Variants in RASGRF2 observed in about 807,000 individuals in gnomAD.
The protein encoded by RASGRF2 is Ras protein specific guanine nucleotide releasing factor 2, also known as ras-specific guanine nucleotide-releasing factor 2.
A neutral mutation model predicts 151.0 loss-of-function variants in RASGRF2; 76 were observed. The ratio of observed to expected loss-of-function variants is 0.50; its 90% CI spans 0.42 to 0.61. The LOEUF is 0.61. Ranked by LOEUF, RASGRF2 falls within the 20% of genes least tolerant of loss-of-function variation. The probability of loss-of-function intolerance (pLI) is 0.00; values close to 1 mark genes in which losing one functional copy is unlikely to be tolerated. For missense variants in RASGRF2, 1,148 were observed against 1,564.6 expected, an observed-to-expected ratio of 0.73 and a Z score of 4.49; for synonymous variants, 504 against 566.5, an observed-to-expected ratio of 0.89 and a Z score of 1.57.
intron 22 of RASGRF2, among the ~76,000 whole-genome samples, chr5:81,210,912 G>A (rs1280621714): frequency 1.3e-5 from 2 of 152,078 alleles, no homozygotes; most frequent in South Asian, 2.1e-4. Context: ...TTGGGAGGCC[G>A]AGCTGGGAGG....
intron 1 of RASGRF2, among the ~76,000 whole-genome samples, chr5:81,042,369 A>G (rs1750703945): frequency 6.6e-6 from 1 of 152,230 alleles, no homozygotes; most frequent in East Asian, 1.9e-4. Flanking sequence ...GGTATAAGCA[A>G]TTGATGACAT....
chr5:81,186,553 T>C (rs1755030280), intron 18 of RASGRF2, among the ~76,000 whole-genome samples: 3 of 152,168 alleles, frequency 2.0e-5, no homozygotes, highest in Non-Finnish European at 1.5e-5. Context: ...CTCTATCCTA[T>C]AAACACAGAC....
At chr5:80,995,682 C>CT (rs147997454) in intron 1 of RASGRF2, among the ~76,000 whole-genome samples, 29,800 of 89,248 alleles carry the variant, frequency 0.33, 5,161 homozygotes, top group Middle Eastern at 0.49. Flanking sequence ...CTTTCCTTTC[C>CT]TTCCCCCCCC....
intron 1 of RASGRF2, among the ~76,000 whole-genome samples, chr5:80,985,949 G>A (rs1748461042): frequency 6.6e-6 from 1 of 152,106 alleles, no homozygotes; most frequent in Non-Finnish European, 1.5e-5. Context: ...GTGTGTATGT[G>A]TGTGTAAGCG....
chr5:81,094,969 G>A lies in RASGRF2; in HGVS notation c.1732G>A (p.Ala578Thr), dbSNP rs781164534. 1 of 1,558,440 alleles carries A rather than the reference G, an allele frequency of 6.4e-7. No homozygotes were observed. Among genetic ancestry groups the A allele is most frequent in the Non-Finnish European group, 8.7e-7 (1 of 1,152,946 alleles). ...LLAPSRQEKA[A>T]WMSDISQCVD... ...AGCACCCTCACGCCAGGAGAAAGCTGCCTGGATGAGTGACATCAGTCAGGT... is the reference window on the plus strand; with the variant it reads ...AGCACCCTCACGCCAGGAGAAAGCTACCTGGATGAGTGACATCAGTCAGGT... The change falls in exon 12 of 27, where the codon GCC becomes ACC. Residue 578 changes from alanine to threonine, a missense_variant. Around this residue, in one of 5 missense-constraint regions of RASGRF2, gnomAD observed 646 missense variants for 807.4 expected, o/e 0.80. Coordinates refer to ENST00000265080, the MANE Select transcript of RASGRF2 (RefSeq NM_006909.3).
In RASGRF2 at chr5:81,034,954, A is replaced by T. The variant is rs113262102; in HGVS notation, c.289-7923A>T. Among the ~76,000 whole-genome samples, 425 of 151,242 alleles carry T rather than the reference A, an allele frequency of 2.8e-3. 1 individual carries two copies. The highest frequency in any genetic ancestry group is 3.4e-3 in the Middle Eastern group (1 of 292). On this transcript the variant is annotated intron_variant, in intron 1 of 26. Coordinates refer to ENST00000265080, the MANE Select transcript of RASGRF2 (RefSeq NM_006909.3). ...CTAAAACTTAAAGTATAATAAAAATAAAAAAAAAGTCAGGAAACAACAGGT... is the reference window on the plus strand; with the variant it reads ...CTAAAACTTAAAGTATAATAAAAATTAAAAAAAAGTCAGGAAACAACAGGT...
At position 80,960,475 on chromosome 5, in the gene RASGRF2, TG is replaced by T. The variant is rs1213169590; in HGVS notation, c.-259del. Among the ~76,000 whole-genome samples the T allele has an allele frequency of 6.7e-6, 1 of 149,328 alleles. No individual in the cohort carries two copies. The highest frequency in any genetic ancestry group is 6.6e-5 in the Admixed American group (1 of 15,048). On this transcript the variant is annotated 5_prime_UTR_variant, in exon 1 of 27. Coordinates refer to ENST00000265080, the MANE Select transcript of RASGRF2 (RefSeq NM_006909.3). The surrounding 1 kb of genome is among the most constrained non-coding windows in gnomAD (Gnocchi z 5.5). ...GCGGGGCCGCGCTCCACGCGGGCGT[TG>T]GGGGCTTGGGGGGCTCCGGGGGCTC...
rs746514018 is a variant in RASGRF2 at position 81,201,486 on chromosome 5, C to T, written c.2906+44C>T. On this transcript the variant is annotated intron_variant, in intron 19 of 26. Transcript: ENST00000265080. ...GCCGACTGGATGACATTGGTTGATT[C>T]CTGCTATGTTCATAGAAAATAAGAG... The T allele has an allele frequency of 3.8e-6, 6 of 1,572,880 alleles. No individual in the cohort carries two copies. The East Asian group carries it at 6.7e-5, about 18-fold the overall frequency.
intron 1 of RASGRF2, among the ~76,000 whole-genome samples, chr5:80,981,604 C>T (rs191574648): frequency 8.9e-4 from 135 of 152,152 alleles, no homozygotes; most frequent in African/African-American, 3.2e-3. Context: ...CTCACTCTGT[C>T]GCCCAGGTCG....
exon 27 of RASGRF2, chr5:81,230,153 TGAATATTCA>T (rs1162329637): frequency 5.9e-5 from 9 of 152,254 alleles, no homozygotes; most frequent in African/African-American, 2.2e-4. Flanking sequence ...TCACCTTTCT[TGAATATTCA>T]GAAATCTCAC....
rs1315531483 is a variant in RASGRF2 at position 81,058,811 on chromosome 5, AAAATAAATCATATTAGATG to A, written c.396-9200_396-9182del. 1.6e-4 allele frequency among the ~76,000 whole-genome samples: 24 copies of A among 151,828 alleles called. No individual in the cohort carries two copies. In the South Asian group the frequency reaches 4.2e-3, roughly 26 times the overall value. On this transcript the variant is annotated intron_variant, in intron 2 of 26. Transcript: ENST00000265080. ...AAAAAAAAAAAAAAAGAGAGTGTGT[AAAATAAATCATATTAGATG>A]AAATAAATCATATTAGATGATAAAT...
At position 81,050,445 on chromosome 5, in the gene RASGRF2, T is replaced by C. The variant is rs80304009; in HGVS notation, c.395+7462T>C. On this transcript the variant is annotated intron_variant, in intron 2 of 26. Coordinates refer to ENST00000265080, the MANE Select transcript of RASGRF2 (RefSeq NM_006909.3). ...GAGAAAATATTCATTATTTCACTGA[T>C]ATTTATTGCTTCCCTACCCAATGCT... Among the ~76,000 whole-genome samples, 822 of 152,260 alleles carry C rather than the reference T, an allele frequency of 5.4e-3. 7 individuals carry two copies. Among genetic ancestry groups the C allele is most frequent in the African/African-American group, 0.017 (717 of 41,556 alleles).
intron 14 of RASGRF2, among the ~76,000 whole-genome samples, chr5:81,113,128 T>TTTTC (rs893491317): frequency 1.1e-4 from 17 of 151,898 alleles, no homozygotes; most frequent in African/African-American, 3.6e-4. Context: ...GGCTTTTCTT[T>TTTTC]TTTCTTTCTT....
chr5:80,969,915 G>T (rs763970915), intron 1 of RASGRF2, among the ~76,000 whole-genome samples: 1 of 136,404 alleles, frequency 7.3e-6, no homozygotes, highest in Non-Finnish European at 1.5e-5. Flanking sequence ...CAACCTCCGC[G>T]ACCTGGGTTC....
Position 81,112,656 on chromosome 5 carries a change from A to C in RASGRF2, c.1885A>C (p.Lys629Gln), listed in dbSNP as rs927903649. The change falls in exon 14 of 27, where the codon AAA (lysine) becomes CAA (glutamine). Residue 629 changes from lysine (K) to glutamine (Q), a missense_variant. This residue lies in a region of RASGRF2 where 646 missense variants were observed against 807.4 expected (regional missense o/e 0.80). Transcript: ENST00000265080. The stretch of plus-strand genomic sequence containing the variant: ...AGACGACACTGACATTTGCTTCAGT[A>C]AAACACTCAACTCCTGCAAAGTGCC... ...HKDDTDICFS[K>Q]TLNSCKVPQI... 6.2e-7 allele frequency: 1 copy of C among 1,614,216 alleles called. No homozygotes were observed. Among genetic ancestry groups the C allele is most frequent in the Non-Finnish European group, 8.5e-7 (1 of 1,180,024 alleles).
At chr5:81,072,988 T>C (rs1751824834) in intron 4 of RASGRF2, among the ~76,000 whole-genome samples, 1 of 152,234 alleles carries the variant, frequency 6.6e-6, no homozygotes, top group South Asian at 2.1e-4. Context: ...AGATGATCAG[T>C]AAATGTTTGT....
At chr5:81,084,602 G>A (rs960778032) in intron 7 of RASGRF2, among the ~76,000 whole-genome samples, 1 of 152,168 alleles carries the variant, frequency 6.6e-6, no homozygotes, top group African/African-American at 2.4e-5. Flanking sequence ...AATGGTGGCT[G>A]TGTCTATGCA....
At position 81,162,581 on chromosome 5, in the gene RASGRF2, C is replaced by T. The variant is rs530386878; in HGVS notation, c.2687-17594C>T. On this transcript the variant is annotated intron_variant, in intron 17 of 26. Coordinates refer to ENST00000265080, the MANE Select transcript of RASGRF2 (RefSeq NM_006909.3). ...CAGGCTGGTCTGGAACTCCTCACCT[C>T]GTGATCCACCTGCCTCGGCCTCCCA... Among the ~76,000 whole-genome samples, 14 of 151,368 alleles carry T rather than the reference C, an allele frequency of 9.2e-5. 1 individual carries two copies. Among genetic ancestry groups the T allele is most frequent in the East Asian group, 3.9e-4 (2 of 5,176 alleles).
Position 81,201,421 on chromosome 5 carries a change from A to G in RASGRF2, c.2885A>G (p.Lys962Arg). 3.1e-6 allele frequency: 5 copies of G among 1,613,928 alleles called. No individual in the cohort carries two copies. The highest frequency in any genetic ancestry group is 4.2e-6 in the Non-Finnish European group (5 of 1,179,946). ...CCAGACCTTCTTCCCCAAGAAAGGA[A>G]AGCCGCCGCGAATATCCTCAGGTGA... ...RDPDLLPQER[K>R]AAANILRALS... is the part of the protein sequence containing the mutation. The change falls in exon 19 of 27, where the codon AAA becomes AGA. Residue 962 changes from lysine to arginine, a missense_variant. Transcript: ENST00000265080.
Sources: gnomAD v4.1 joint callset for allele counts (sites outside exome capture counted in the v4.1 genomes callset) on GRCh38, gnomAD v4.1.1 for gene constraint, gnomAD v4.1.1 regional missense constraint, Gnocchi (gnomAD v3.1) non-coding constraint, MANE v1.5 for transcripts, NCBI Gene and HGNC (gene_info 2026-07-23, HGNC 2026-07-21) for gene names.